Variants in CMTM4 observed in about 807,000 individuals in gnomAD.
CMTM4 encodes CKLF like MARVEL transmembrane domain containing 4.
In CMTM4, 8 loss-of-function variants were observed where a neutral mutation model predicts 19.0. That is an observed-to-expected ratio of 0.42 (90% CI 0.25 to 0.76). The LOEUF is 0.76. CMTM4 is among the 30% of genes least tolerant of loss of function. The probability of loss-of-function intolerance (pLI) is 0.27; values close to 1 mark genes in which losing one functional copy is unlikely to be tolerated. For missense variants in CMTM4, 228 were observed against 290.2 expected, an observed-to-expected ratio of 0.79 and a Z score of 1.56; for synonymous variants, 106 against 121.1, an observed-to-expected ratio of 0.88 and a Z score of 0.82.
At chr16:66,646,960 G>A (rs2016213638) in intron 1 of CMTM4, among the ~76,000 whole-genome samples, 2 of 151,778 alleles carry the variant, frequency 1.3e-5, no homozygotes, top group Admixed American at 6.6e-5. Context: ...ACCCACTTCG[G>A]CCTCCCAAAG....
At chr16:66,638,936 G>T (rs557465138) in intron 1 of CMTM4, among the ~76,000 whole-genome samples, 54 of 149,736 alleles carry the variant, frequency 3.6e-4, no homozygotes, top group Non-Finnish European at 6.1e-4. Context: ...AAAAAACAAA[G>T]GTAAGTATGT....
chr16:66,657,069 C>T (rs1267035894), intron 1 of CMTM4, among the ~76,000 whole-genome samples: 1 of 148,760 alleles, frequency 6.7e-6, no homozygotes, highest in East Asian at 2.0e-4. Flanking sequence ...AGTACTGAAT[C>T]AGTGTTAATT....
At chr16:66,652,048 G>C (rs2016320338) in intron 1 of CMTM4, among the ~76,000 whole-genome samples, 1 of 151,620 alleles carries the variant, frequency 6.6e-6, no homozygotes, top group South Asian at 2.1e-4. Context: ...TGGAAGGGCA[G>C]AGATGGCCCT....
chr16:66,600,138 T>TGTGTG, the CMTM4 span, among the ~76,000 whole-genome samples: 16 of 126,210 alleles, frequency 1.3e-4, no homozygotes, highest in East Asian at 7.5e-4. Flanking sequence ...GTGTGTGTGT[T>TGTGTG]TTTTTTTGTT....
intron 1 of CMTM4, among the ~76,000 whole-genome samples, chr16:66,660,868 T>A (rs1437030560): frequency 6.6e-6 from 1 of 152,166 alleles, no homozygotes; most frequent in African/African-American, 2.4e-5. Flanking sequence ...TTCCCTCTCC[T>A]GCTCGCTGTG....
the CMTM4 span, among the ~76,000 whole-genome samples, chr16:66,605,782 A>G: frequency 6.6e-6 from 1 of 152,172 alleles, no homozygotes; most frequent in South Asian, 2.1e-4. The surrounding 1 kb of genome is among the most constrained non-coding windows in gnomAD (Gnocchi z 4.6). Context: ...GAGAGCGGCC[A>G]GGAGGGTGGG....
intron 1 of CMTM4, among the ~76,000 whole-genome samples, chr16:66,669,526 C>T (rs1454580339): frequency 6.6e-6 from 1 of 151,080 alleles, no homozygotes; most frequent in Non-Finnish European, 1.5e-5. Context: ...TGTGCCCAAA[C>T]CTCTATAGCT....
At chr16:66,658,956 TG>T (rs1355755024) in intron 1 of CMTM4, among the ~76,000 whole-genome samples, 1 of 152,202 alleles carries the variant, frequency 6.6e-6, no homozygotes, top group Non-Finnish European at 1.5e-5. Flanking sequence ...CCTGCTAGTG[TG>T]GATGCCGTAG....
the CMTM4 span, chr16:66,604,995 G>C: frequency 4.2e-6 from 6 of 1,415,768 alleles, no homozygotes; most frequent in Middle Eastern, 2.0e-4. Flanking sequence ...AGGACTGCGC[G>C]GCTCCTTTCG....
intron 1 of CMTM4, among the ~76,000 whole-genome samples, chr16:66,690,262 A>G (rs940920826): frequency 6.6e-6 from 1 of 152,242 alleles, no homozygotes; most frequent in Non-Finnish European, 1.5e-5. Context: ...AGGAATCTTC[A>G]GTAGTAAACA....
chr16:66,641,593 G>C (rs1360854471), intron 1 of CMTM4, among the ~76,000 whole-genome samples: 1 of 152,142 alleles, frequency 6.6e-6, no homozygotes, highest in African/African-American at 2.4e-5. Flanking sequence ...CATATAGATA[G>C]CAAGAAGCGG....
intron 1 of CMTM4, among the ~76,000 whole-genome samples, chr16:66,663,088 T>C (rs1263557519): frequency 1.3e-5 from 2 of 152,214 alleles, no homozygotes; most frequent in African/African-American, 2.4e-5. Flanking sequence ...CACAGAAGAC[T>C]GACCAGAACT....
the CMTM4 span, chr16:66,609,443 G>C: frequency 6.2e-7 from 1 of 1,612,736 alleles, no homozygotes; most frequent in South Asian, 1.1e-5. The surrounding 1 kb of genome is among the most constrained non-coding windows in gnomAD (Gnocchi z 4.4). Flanking sequence ...AGGACTTCCT[G>C]CGCTGTGTCA....
At position 66,621,215 on chromosome 16, in the gene CMTM4, G is replaced by C. The variant is rs2015629304; in HGVS notation, c.*843C>G. ...TTAACACAAACACCTCCCACCTGCG[G>C]TTCATGAAGCCAGCAAATGGGCAAG... On this transcript the variant is annotated 3_prime_UTR_variant, in exon 4 of 4. Transcript: ENST00000394106. 1 of 985,500 alleles carries C rather than the reference G, an allele frequency of 1.0e-6. No individual in the cohort carries two copies. Among genetic ancestry groups the C allele is most frequent in the South Asian group, 4.7e-5 (1 of 21,294 alleles). 61.0% of individuals were successfully genotyped at this position (985,500 alleles called of 1,614,324 possible). A position where few individuals can be genotyped will look rare whatever the true frequency, so the allele number is the denominator to read the frequency against.
chr16:66,602,666 C>T, the CMTM4 span, among the ~76,000 whole-genome samples: 1 of 152,044 alleles, frequency 6.6e-6, no homozygotes, highest in Non-Finnish European at 1.5e-5. Context: ...CATGCCTCAC[C>T]CTCCCAAGTA....
chr16:66,677,586 ACC>A (rs1173835222), intron 1 of CMTM4, among the ~76,000 whole-genome samples: 1 of 152,074 alleles, frequency 6.6e-6, no homozygotes, highest in Non-Finnish European at 1.5e-5. Context: ...CCTCATACCA[ACC>A]CTATGGTGAC....
At position 66,616,088 on chromosome 16, in the gene CMTM4, T is replaced by C. The variant is rs778078589; in HGVS notation, c.*5970A>G. 1 of 152,116 alleles carries C rather than the reference T, an allele frequency of 6.6e-6. No homozygotes were observed. The highest frequency in any genetic ancestry group is 1.5e-5 in the Non-Finnish European group (1 of 68,000). 9.4% of individuals were successfully genotyped at this position (152,116 alleles called of 1,614,324 possible). ...GTGTAAAGAGAAAATGGCCAAAACC[T>C]CAAAACTACCATTGTTGAAAACAAT... is the stretch of plus-strand genomic sequence containing the variant. On this transcript the variant is annotated 3_prime_UTR_variant, in exon 4 of 4. Transcript: ENST00000394106.
chr16:66,696,327 G>GC lies in CMTM4; in HGVS notation c.186+12dup. 1 of 1,375,726 alleles carries GC rather than the reference G, an allele frequency of 7.3e-7. No individual in the cohort carries two copies. The highest frequency in any genetic ancestry group is 9.4e-7 in the Non-Finnish European group (1 of 1,065,296). 85.2% of individuals were successfully genotyped at this position (1,375,726 alleles called of 1,614,324 possible). ...GCCGCCCTCGGGCACCTGGGGCCCC[G>GC]CCCGGCACCTACCACTTGGGCGACC... is the stretch of plus-strand genomic sequence containing the variant. On this transcript the variant is annotated intron_variant, in intron 1 of 3. Transcript: ENST00000394106. This position sits in a 1 kb window ranked among gnomAD's most constrained non-coding sequence, Gnocchi z 4.3.
intron 1 of CMTM4, among the ~76,000 whole-genome samples, chr16:66,694,108 AAAAAG>A (rs1280678722): frequency 6.6e-6 from 1 of 152,140 alleles, no homozygotes; most frequent in African/African-American, 2.4e-5. Context: ...AAGAAAAGAA[AAAAAG>A]AAAAGAACAA....
Sources: allele counts gnomAD v4.1 joint callset (sites outside exome capture counted in the v4.1 genomes callset), GRCh38; gene constraint gnomAD v4.1.1; non-coding constraint Gnocchi (gnomAD v3.1); transcripts MANE v1.5; gene names NCBI Gene and HGNC (gene_info 2026-07-23, HGNC 2026-07-21).